The following BCKDHB variants were observed in gnomAD, a reference collection of about 807,000 sequenced individuals.
BCKDHB encodes the protein 2-oxoisovalerate dehydrogenase subunit beta, mitochondrial.
In BCKDHB, 41 loss-of-function variants were observed where a neutral mutation model predicts 48.5. The ratio of observed to expected loss-of-function variants is 0.85; its 90% confidence interval spans 0.66 to 1.10. BCKDHB has a LOEUF of 1.10. BCKDHB is among the 50% of genes least tolerant of loss of function. BCKDHB has a pLI of 0.00. For synonymous variants in BCKDHB, 201 were observed against 174.8 expected (o/e 1.15, Z -1.18); for missense variants, 496 against 494.2 (o/e 1.00, Z -0.03).
At chr6:80,400,139 C>A in the BCKDHB span, among the ~76,000 whole-genome samples, 1 of 152,018 alleles carries the variant, frequency 6.6e-6, no homozygotes, top group Non-Finnish European at 1.5e-5. Flanking sequence ...TGGAAGACAA[C>A]ATAAGCAATA....
intron 9 of BCKDHB, among the ~76,000 whole-genome samples, chr6:80,310,071 A>G (rs1043069246): frequency 6.6e-6 from 1 of 151,428 alleles, no homozygotes; most frequent in Non-Finnish European, 1.5e-5. Context: ...TGGTGTATAT[A>G]TACAACATTT....
At chr6:80,357,145 C>T in the BCKDHB span, among the ~76,000 whole-genome samples, 2 of 152,046 alleles carry the variant, frequency 1.3e-5, no homozygotes, top group Non-Finnish European at 2.9e-5. Flanking sequence ...AATAATGGGA[C>T]TCTTTGCAAA....
chr6:80,437,472 A>G, the BCKDHB span, among the ~76,000 whole-genome samples: 3 of 152,170 alleles, frequency 2.0e-5, no homozygotes, highest in African/African-American at 7.2e-5. Context: ...CTTTGGAACA[A>G]TGATCTCCCA....
chr6:80,463,910 A>G, the BCKDHB span, among the ~76,000 whole-genome samples: 2 of 151,992 alleles, frequency 1.3e-5, no homozygotes, highest in Non-Finnish European at 1.5e-5. Context: ...GCTGTTCCCT[A>G]TGTCTGAAAT....
At chr6:80,298,992 G>A (rs1767409437) in intron 9 of BCKDHB, among the ~76,000 whole-genome samples, 1 of 152,102 alleles carries the variant, frequency 6.6e-6, no homozygotes, top group Non-Finnish European at 1.5e-5. Flanking sequence ...AGATTGCAAG[G>A]CAGATTAATC....
At chr6:80,254,377 G>T (rs1229299882) in intron 8 of BCKDHB, among the ~76,000 whole-genome samples, 1 of 151,918 alleles carries the variant, frequency 6.6e-6, no homozygotes, top group Non-Finnish European at 1.5e-5. Context: ...GATTTTTAAA[G>T]TTGTCTGTAC....
At position 80,167,685 on chromosome 6, in the gene BCKDHB, T is replaced by TA; in HGVS notation, c.352dup (p.Arg118LysfsTer4). On this transcript the variant is annotated frameshift_variant, in exon 4 of 10. Transcript: ENST00000320393. LOFTEE classifies it high-confidence loss of function. ...TTTCTTTTCTATTTTAAGGAAAAGA[T>TA]AGAGTTTTTAATACCCCATTGTGTG... 1 of 1,608,924 alleles carries TA rather than the reference T, an allele frequency of 6.2e-7. No homozygotes were observed. The highest frequency in any genetic ancestry group is 8.5e-7 in the Non-Finnish European group (1 of 1,175,366).
chr6:80,222,701 T>C (rs1166220998), intron 8 of BCKDHB, among the ~76,000 whole-genome samples: 1 of 152,208 alleles, frequency 6.6e-6, no homozygotes, highest in African/African-American at 2.4e-5. Context: ...TAATTTTTAA[T>C]ATCCTTATCT....
chr6:80,446,703 A>G, the BCKDHB span, among the ~76,000 whole-genome samples: 3 of 148,630 alleles, frequency 2.0e-5, no homozygotes, highest in Non-Finnish European at 4.5e-5. Flanking sequence ...AATAAACCTG[A>G]GAGGGGCTTC....
the BCKDHB span, among the ~76,000 whole-genome samples, chr6:80,399,119 G>A: frequency 1.3e-5 from 2 of 152,012 alleles, no homozygotes; most frequent in African/African-American, 2.4e-5. Flanking sequence ...AATAATAAGG[G>A]CCATCTATGA....
intron 9 of BCKDHB, among the ~76,000 whole-genome samples, chr6:80,333,193 T>G (rs1344618262): frequency 1.3e-5 from 2 of 152,122 alleles, no homozygotes; most frequent in Non-Finnish European, 2.9e-5. Flanking sequence ...AAACCTGAAG[T>G]CTTATGCAGT....
chr6:80,203,459 T>A (rs1309897319), intron 8 of BCKDHB, among the ~76,000 whole-genome samples: 1 of 152,122 alleles, frequency 6.6e-6, no homozygotes, highest in Non-Finnish European at 1.5e-5. Context: ...TGGGGTCCTT[T>A]ATGCAGTCAC....
chr6:80,154,866 C>T (rs867897991), intron 3 of BCKDHB, among the ~76,000 whole-genome samples: 1 of 152,032 alleles, frequency 6.6e-6, no homozygotes, highest in Non-Finnish European at 1.5e-5. Context: ...TTTCCCCATA[C>T]CCATTTCTTT....
At chr6:80,381,931 A>C in the BCKDHB span, among the ~76,000 whole-genome samples, 1 of 150,492 alleles carries the variant, frequency 6.6e-6, no homozygotes, top group Admixed American at 6.6e-5. Context: ...CTAAAACGGT[A>C]AACTTGTTAT....
chr6:80,145,800 G>A (rs1771455619), intron 3 of BCKDHB, among the ~76,000 whole-genome samples: 1 of 152,132 alleles, frequency 6.6e-6, no homozygotes, highest in Non-Finnish European at 1.5e-5. Context: ...ACAGGAAGTA[G>A]GTAGTTACTG....
chr6:80,304,153 A>G (rs896891643), intron 9 of BCKDHB, among the ~76,000 whole-genome samples: 1 of 152,172 alleles, frequency 6.6e-6, no homozygotes, highest in Non-Finnish European at 1.5e-5. Flanking sequence ...ACAGTATAAG[A>G]AAGTAGACAT....
rs549618449 is a variant in BCKDHB, at chr6:80,131,098, A to G, written c.343+1869A>G. Among the ~76,000 whole-genome samples, 16 of 152,318 alleles carry G rather than the reference A, an allele frequency of 1.1e-4. No individual in the cohort carries two copies. The East Asian group carries it at 2.3e-3, about 22-fold the overall frequency. On this transcript the variant is annotated intron_variant, in intron 3 of 9. Transcript: ENST00000320393. ...TGCCTGTCTGCCCAGGTTCTCATCC[A>G]TAACACTCTGCTTACCCCTTCTGTC...
chr6:80,388,160 C>G, the BCKDHB span, among the ~76,000 whole-genome samples: 2 of 152,292 alleles, frequency 1.3e-5, no homozygotes, highest in South Asian at 4.1e-4. Flanking sequence ...ATTGAGTGAC[C>G]TGAAAGGCTG....
chr6:80,365,112 A>G, the BCKDHB span, among the ~76,000 whole-genome samples: 2 of 152,208 alleles, frequency 1.3e-5, no homozygotes, highest in African/African-American at 4.8e-5. Flanking sequence ...CAAAGATCAC[A>G]TGCTTCTGAG....
Sources: allele counts gnomAD v4.1 joint callset (sites outside exome capture counted in the v4.1 genomes callset), GRCh38; gene constraint gnomAD v4.1.1; transcripts MANE v1.5; gene names NCBI Gene and HGNC (gene_info 2026-07-23, HGNC 2026-07-21).